The following FGF14 variants were observed in gnomAD, a reference collection of about 807,000 sequenced individuals.
The protein encoded by FGF14 is fibroblast growth factor 14.
Under a neutral mutation model 25.5 loss-of-function variants are expected in FGF14, and 5 were observed. That is an observed-to-expected ratio of 0.20 (90% CI 0.10 to 0.41). The LOEUF is 0.41. FGF14 is among the 10% of genes least tolerant of loss of function. The pLI, the probability that FGF14 is intolerant of heterozygous loss-of-function variation, is 1.00. For missense variants in FGF14, 222 were observed against 320.1 expected (o/e 0.69, Z 2.34); for synonymous variants, 138 against 118.3 (o/e 1.17, Z -1.08).
chr13:102,207,633 A>G (rs1419188974), intron 1 of FGF14, among the ~76,000 whole-genome samples: 3 of 147,034 alleles, frequency 2.0e-5, no homozygotes, highest in Non-Finnish European at 4.4e-5. Context: ...TTAAAAAAAA[A>G]AAAAAAAAAA....
chr13:102,297,472 A>G (rs575154560), intron 1 of FGF14, among the ~76,000 whole-genome samples: 91 of 152,246 alleles, frequency 6.0e-4, no homozygotes, highest in African/African-American at 2.2e-3. Context: ...AGTTATGACA[A>G]ATGTAACATA....
intron 3 of FGF14, among the ~76,000 whole-genome samples, chr13:101,835,606 C>T (rs542604058): frequency 9.9e-5 from 15 of 152,082 alleles, no homozygotes; most frequent in East Asian, 5.8e-4. Context: ...CAAGTCCTAA[C>T]GTGCAGTGCT....
chr13:102,349,920 C>G (rs1284957268), intron 1 of FGF14, among the ~76,000 whole-genome samples: 3 of 152,170 alleles, frequency 2.0e-5, no homozygotes, highest in Non-Finnish European at 4.4e-5. Context: ...CAGAATAAAG[C>G]TGATACTAAG....
At chr13:102,317,525 TA>T (rs2056078883) in intron 1 of FGF14, among the ~76,000 whole-genome samples, 1 of 152,236 alleles carries the variant, frequency 6.6e-6, no homozygotes, top group Non-Finnish European at 1.5e-5. Context: ...TTATATCACT[TA>T]AATATAAATG....
intron 1 of FGF14, chr13:102,293,696 C>T: frequency 6.6e-6 from 1 of 152,162 alleles, no homozygotes; most frequent in Non-Finnish European, 1.5e-5. Context: ...CAATAAACCT[C>T]ATGTTTTATA....
At chr13:101,761,206 T>C (rs992149687) in intron 3 of FGF14, among the ~76,000 whole-genome samples, 7 of 152,326 alleles carry the variant, frequency 4.6e-5, no homozygotes, top group African/African-American at 1.7e-4. Flanking sequence ...CTTTTAGCTT[T>C]ATATAATTTG....
At chr13:102,401,539 A>G (rs1205046143) in exon 1 of FGF14, 1 of 1,614,224 alleles carries the variant, frequency 6.2e-7, no homozygotes, top group South Asian at 1.1e-5. Context: ...TCCTTTGCTG[A>G]AAATGTTCCA....
At chr13:101,948,924 T>C (rs1391298921) in intron 1 of FGF14, among the ~76,000 whole-genome samples, 2 of 152,166 alleles carry the variant, frequency 1.3e-5, no homozygotes, top group Non-Finnish European at 2.9e-5. Context: ...AAAATCACTG[T>C]TCCATACTCT....
intron 3 of FGF14, among the ~76,000 whole-genome samples, chr13:101,860,899 A>G (rs1437023590): frequency 6.6e-6 from 1 of 152,100 alleles, no homozygotes; most frequent in Non-Finnish European, 1.5e-5. Flanking sequence ...TGAAGCCCTG[A>G]TATTCCCTTC....
chr13:102,184,324 A>G (rs1023700992), intron 1 of FGF14, among the ~76,000 whole-genome samples: 34 of 152,274 alleles, frequency 2.2e-4, no homozygotes, highest in African/African-American at 8.2e-4. Flanking sequence ...GGAGGGCAGT[A>G]AAAAGAAGGA....
At position 102,356,710 on chromosome 13, in the gene FGF14, T is replaced by A. The variant is rs72647498; in HGVS notation, c.208+44761A>T. 1.3e-4 allele frequency among the ~76,000 whole-genome samples: 20 copies of A among 152,266 alleles called. No individual in the cohort carries two copies. In the South Asian group the frequency reaches 4.1e-3, roughly 32 times the overall value. ...AACTGGGACACAACCCAATTTCCAATAGCAGGGCATTGGTTACATAAATTA... is the reference window on the plus strand; with the variant it reads ...AACTGGGACACAACCCAATTTCCAAAAGCAGGGCATTGGTTACATAAATTA... On this transcript the variant is annotated intron_variant, in intron 1 of 4. Transcript: ENST00000376131.
At chr13:101,823,537 A>G in intron 3 of FGF14, among the ~76,000 whole-genome samples, 1 of 150,778 alleles carries the variant, frequency 6.6e-6, no homozygotes, top group East Asian at 1.9e-4. Context: ...TCCCAGGTTC[A>G]AGCGATTCTC....
At chr13:101,764,856 T>G (rs1313651711) in intron 3 of FGF14, among the ~76,000 whole-genome samples, 2 of 152,252 alleles carry the variant, frequency 1.3e-5, no homozygotes, top group African/African-American at 4.8e-5. Flanking sequence ...TTAAAACAGC[T>G]TGTATGGAGT....
chr13:101,813,351 A>C (rs779798684), intron 3 of FGF14, among the ~76,000 whole-genome samples: 3 of 152,146 alleles, frequency 2.0e-5, no homozygotes, highest in Non-Finnish European at 4.4e-5. Flanking sequence ...CTGAGCCCTC[A>C]TGGATAGAAA....
exon 1 of FGF14, chr13:102,401,721 C>A (rs747194541): frequency 6.6e-7 from 1 of 1,525,272 alleles, no homozygotes; most frequent in Non-Finnish European, 9.1e-7. Flanking sequence ...AGTTTTTTCC[C>A]CTCACGTGGT....
intron 1 of FGF14, among the ~76,000 whole-genome samples, chr13:102,143,342 T>TA (rs933473655): frequency 1.4e-4 from 21 of 151,394 alleles, no homozygotes; most frequent in South Asian, 4.2e-4. Flanking sequence ...TACTCAGATT[T>TA]AAAAAAAAAT....
chr13:102,088,590 C>G (rs1376273223), intron 1 of FGF14, among the ~76,000 whole-genome samples: 1 of 152,052 alleles, frequency 6.6e-6, no homozygotes, highest in East Asian at 1.9e-4. Context: ...TATTTTCTAA[C>G]TGAGAAATCA....
chr13:102,087,765 G>A (rs2043992310), intron 1 of FGF14, among the ~76,000 whole-genome samples: 1 of 151,958 alleles, frequency 6.6e-6, no homozygotes, highest in African/African-American at 2.4e-5. Flanking sequence ...CAAAGCAGGT[G>A]ACATGCAAAA....
At chr13:102,317,966 G>C (rs910131421) in intron 1 of FGF14, among the ~76,000 whole-genome samples, 1 of 152,168 alleles carries the variant, frequency 6.6e-6, no homozygotes, top group Admixed American at 6.5e-5. Flanking sequence ...TACAACAATT[G>C]CAAGACCATA....
Sources: allele counts gnomAD v4.1 joint callset (sites outside exome capture counted in the v4.1 genomes callset), GRCh38; gene constraint gnomAD v4.1.1; transcripts MANE v1.5; gene names NCBI Gene and HGNC (gene_info 2026-07-23, HGNC 2026-07-21).